JMJD6: variants seen among roughly 807,000 people sequenced by gnomAD.
JMJD6 encodes jumonji domain containing 6, arginine demethylase and lysine hydroxylase, also known as bifunctional arginine demethylase and lysyl-hydroxylase JMJD6.
A neutral mutation model predicts 45.8 loss-of-function variants in JMJD6; 17 were observed. That is an observed-to-expected ratio of 0.37 (90% CI 0.25 to 0.56). JMJD6 has a LOEUF of 0.56. Among genes scored for constraint, JMJD6 ranks in the 20% least tolerant of loss-of-function variants. JMJD6 has a pLI of 0.79. For synonymous variants in JMJD6, 221 were observed against 196.3 expected (o/e 1.13, Z -1.05); for missense variants, 470 against 517.5 (o/e 0.91, Z 0.89).
intron 3 of JMJD6, among the ~76,000 whole-genome samples, chr17:76,723,444 CTTT>C (rs60972573): frequency 1.0e-4 from 14 of 137,846 alleles, no homozygotes; most frequent in South Asian, 2.3e-4. Flanking sequence ...AATGTACTTT[CTTT>C]TTTTTTTTTT....
chr17:76,716,781 G>A (rs572222473), downstream of JMJD6: 428 of 1,590,346 alleles, frequency 2.7e-4, 2 homozygotes, highest in Admixed American at 5.2e-4. Context: ...TGGGTACAAA[G>A]CTGGAAGGCA....
At chr17:76,726,221 G>A in intron 1 of JMJD6, 126 bp downstream of exon 1, 1 of 1,279,524 alleles carries the variant, frequency 7.8e-7, no homozygotes, top group Non-Finnish European at 1.0e-6. Context: ...AAACTCCGCG[G>A]GGTGCGGGTG....
chr17:76,725,464 T>C lies in JMJD6; in HGVS notation c.518+3A>G. On this transcript the variant is annotated splice_donor_region_variant and intron_variant, in intron 2 of 5. Transcript: ENST00000397625. ...TTAACCACTTAGCTGCAGAATACTT[T>C]ACCTGTAAGGGGGCCTGCGCTTCTC... The C allele has an allele frequency of 2.5e-6, 4 of 1,588,602 alleles. No individual in the cohort carries two copies. The highest frequency in any genetic ancestry group is 3.4e-6 in the Non-Finnish European group (4 of 1,171,422).
At chr17:76,726,296 C>A (rs751007612) in intron 1 of JMJD6, 51 bp downstream of exon 1, 1 of 1,518,362 alleles carries the variant, frequency 6.6e-7, no homozygotes, top group Admixed American at 2.1e-5. Context: ...AGGTGCGTAG[C>A]GGCTGGAGGT....
At chr17:76,725,893 A>C (rs757754127) in intron 1 of JMJD6, 38 bp from the exon 2 acceptor site, 3 of 1,544,748 alleles carry the variant, frequency 1.9e-6, no homozygotes, top group Non-Finnish European at 2.6e-6. Flanking sequence ...GTTAAAAAAA[A>C]AAAAAAAGTC....
Position 76,723,802 on chromosome 17 carries a change from G to GT in JMJD6, c.774dup (p.Gln259ThrfsTer56). The GT allele has an allele frequency of 6.2e-7, 1 of 1,614,050 alleles. No individual in the cohort carries two copies. The highest frequency in any genetic ancestry group is 8.5e-7 in the Non-Finnish European group (1 of 1,179,962). ...ACAAAGACAGTCTCTCCTGGTTTTT[G>GT]TAAGATTTCCAGGGGTTTGAATTCA... is the stretch of plus-strand genomic sequence containing the variant. On this transcript the variant is annotated frameshift_variant, in exon 3 of 6. Transcript: ENST00000397625. LOFTEE classifies it high-confidence loss of function.
downstream of JMJD6, chr17:76,716,403 G>A (rs778080800): frequency 1.3e-5 from 5 of 395,720 alleles, no homozygotes; most frequent in South Asian, 3.6e-5. Context: ...CCTTGTGGTT[G>A]ACTGGCTCGG....
At position 76,726,360 on chromosome 17, in the gene JMJD6, G is replaced by C; in HGVS notation, c.116C>G (p.Pro39Arg). Residue 39 changes from proline (P) to arginine (R), a missense_variant, in exon 1 of 6, where the codon CCG (proline) becomes CGG (arginine). Pro to Arg is a moderately radical substitution (Grantham distance 103, BLOSUM62 -2). Transcript: ENST00000397625. ...HNYYESFSLS[P>R]AAVADNVERA... ...CGACCCGCTCACCGCCACGGCCGCC[G>C]GGCTCAGCGAGAAGCTCTCGTAGTA... The C allele has an allele frequency of 6.3e-7, 1 of 1,589,542 alleles. No individual in the cohort carries two copies. The highest frequency in any genetic ancestry group is 8.5e-7 in the Non-Finnish European group (1 of 1,170,550).
intron 4 of JMJD6, among the ~76,000 whole-genome samples, chr17:76,720,996 C>T (rs1183601284): frequency 6.6e-6 from 1 of 152,176 alleles, no homozygotes; most frequent in African/African-American, 2.4e-5. Context: ...CAGAGATGGT[C>T]CCCCCTCACT....
chr17:76,720,690 G>T, intron 4 of JMJD6, 192 bp from the exon 5 acceptor site: 1 of 500,900 alleles, frequency 2.0e-6, no homozygotes, highest in Non-Finnish European at 3.6e-6. Flanking sequence ...CGGTGCCCAT[G>T]TTTTTCTGCA....
intron 3 of JMJD6, among the ~76,000 whole-genome samples, chr17:76,723,285 G>T (rs1165003819): frequency 6.6e-6 from 1 of 151,980 alleles, no homozygotes; most frequent in Non-Finnish European, 1.5e-5. Context: ...TATAAAATGT[G>T]AACAAGAGCT....
chr17:76,721,425 T>C, intron 4 of JMJD6: 1 of 334,124 alleles, frequency 3.0e-6, no homozygotes, highest in Non-Finnish European at 6.2e-6. Flanking sequence ...AGGTATTAAG[T>C]TCAAATGGGA....
intron 1 of JMJD6, among the ~76,000 whole-genome samples, 166 bp downstream of exon 1, chr17:76,726,181 C>T (rs1346883293): frequency 6.6e-6 from 1 of 152,252 alleles, no homozygotes; most frequent in Non-Finnish European, 1.5e-5. Flanking sequence ...GGAAGCAGAC[C>T]CGCCCCGGAA....
intron 4 of JMJD6, chr17:76,720,716 A>C: frequency 4.4e-6 from 2 of 451,426 alleles, no homozygotes; most frequent in Non-Finnish European, 8.0e-6. Flanking sequence ...AATTATACTA[A>C]CTACACACAA....
At chr17:76,721,708 C>T (rs1172191239) in intron 4 of JMJD6, 90 bp downstream of exon 4, 3 of 1,388,860 alleles carry the variant, frequency 2.2e-6, no homozygotes, top group Non-Finnish European at 3.0e-6. Context: ...TGTGTACGAT[C>T]AGCACACATC....
At chr17:76,720,169 A>G (rs1438649893) in intron 5 of JMJD6, among the ~76,000 whole-genome samples, 191 bp downstream of exon 5, 2 of 152,200 alleles carry the variant, frequency 1.3e-5, no homozygotes, top group African/African-American at 2.4e-5. Context: ...ATTCATGCAC[A>G]TGTGCAAAGC....
At chr17:76,716,636 CT>C, downstream of JMJD6, 2 of 1,584,210 alleles carry the variant, frequency 1.3e-6, no homozygotes, top group Non-Finnish European at 1.7e-6. Context: ...AGTTGGGTGG[CT>C]GCCAAAAGCT....
downstream of JMJD6, chr17:76,713,752 G>C (rs2076745296): frequency 6.6e-6 from 1 of 152,186 alleles, no homozygotes; most frequent in African/African-American, 2.4e-5. Flanking sequence ...ATTTGCACCA[G>C]CAACCTTCCC....
At chr17:76,721,268 G>T in intron 4 of JMJD6, 1 of 428,066 alleles carries the variant, frequency 2.3e-6, no homozygotes, top group South Asian at 1.6e-5. Context: ...CTTACCCCGA[G>T]AGCTGGTCCC....
Sources: allele counts gnomAD v4.1 joint callset (sites outside exome capture counted in the v4.1 genomes callset), GRCh38; gene constraint gnomAD v4.1.1; transcripts MANE v1.5; gene names NCBI Gene and HGNC (gene_info 2026-07-23, HGNC 2026-07-21).